Variants in AGRN observed in about 807,000 individuals in gnomAD.
AGRN encodes the protein agrin proteoglycan.
A neutral mutation model predicts 211.0 loss-of-function variants in AGRN; 106 were observed. The ratio of observed to expected loss-of-function variants is 0.50; its 90% CI spans 0.43 to 0.59. AGRN has a LOEUF of 0.59. Among genes scored for constraint, AGRN ranks in the 20% least tolerant of loss-of-function variants. The pLI is 0.00. For synonymous variants in AGRN, 1,525 were observed against 1,332.5 expected, an observed-to-expected ratio of 1.14 and a Z score of -3.15; for missense variants, 3,040 against 2,982.6, an observed-to-expected ratio of 1.02 and a Z score of -0.45.
intron 2 of AGRN, among the ~76,000 whole-genome samples, chr1:1,023,812 C>T (rs1027090908): frequency 6.6e-5 from 10 of 152,142 alleles, no homozygotes; most frequent in African/African-American, 1.4e-4. Context: ...GGCTCTGGAG[C>T]GAGTGCCCAG....
chr1:1,046,910 C>A lies in AGRN; in HGVS notation c.3341C>A (p.Ser1114Tyr). The A allele has an allele frequency of 6.3e-7, 1 of 1,582,408 alleles. No homozygotes were observed. Among genetic ancestry groups the A allele is most frequent in the East Asian group, 2.3e-5 (1 of 43,610 alleles). ...TACAACTCCGCGTTGGGCTGCTGCT[C>A]TGATGGGAAGACGCCCTCGCTGGAC... ...SCYNSALGCC[S>Y]DGKTPSLDAE... Residue 1114 changes from serine (S) to tyrosine (Y), a missense_variant, in exon 19 of 36, where the codon TCT becomes TAT. By Grantham distance (144) the Ser-to-Tyr change is moderately radical. This residue lies in a region of AGRN where 1,537 missense variants were observed against 1,505.0 expected (regional missense o/e 1.02). Transcript: ENST00000379370.
chr1:1,034,187 C>G (rs979661576), intron 2 of AGRN: 6 of 985,432 alleles, frequency 6.1e-6, no homozygotes, highest in Non-Finnish European at 7.2e-6. Flanking sequence ...GCACCTGCCG[C>G]GCGCACCGCC....
chr1:1,052,508 T>C (rs1378640170), intron 33 of AGRN: 2 of 216,910 alleles, frequency 9.2e-6, no homozygotes, highest in Non-Finnish European at 1.8e-5. Context: ...CATGCAGGTA[T>C]GTGTCCGTGT....
At chr1:1,030,406 C>CTG (rs1408775931) in intron 2 of AGRN, among the ~76,000 whole-genome samples, 1 of 53,086 alleles carries the variant, frequency 1.9e-5, no homozygotes, top group Non-Finnish European at 3.6e-5. Flanking sequence ...GTGCATGGTG[C>CTG]TGTGAGATCA....
rs779240198 is a variant in AGRN at position 1,047,914 on chromosome 1, G to A, written c.3751+19G>A. ...GACTTTGGTGAGCGCCAGGCCACGA[G>A]CCACAGCTTACCTGCCCCCTCCTCT... On this transcript the variant is annotated intron_variant, in intron 22 of 35. Transcript: ENST00000379370. 1.4e-5 allele frequency: 22 copies of A among 1,603,930 alleles called. No individual in the cohort carries two copies. In the East Asian group the frequency reaches 2.5e-4, roughly 18 times the overall value.
rs761669139 is a variant in AGRN, at chr1:1,050,249, C to T, written c.4896C>T (p.Gly1632=). ...TFCQTASGQD[G]SGPFLADFNG... ...TCCCTACAGCCTCGGGGCAGGACGGCTCTGGGCCCTTCCTGGCTGACTTCA... is the reference window on the plus strand; with the variant it reads ...TCCCTACAGCCTCGGGGCAGGACGGTTCTGGGCCCTTCCTGGCTGACTTCA... The change falls in exon 28 of 36, where the codon GGC becomes GGT. Residue 1632 remains glycine (G), a synonymous_variant. Transcript: ENST00000379370. The T allele has an allele frequency of 3.7e-6, 6 of 1,613,140 alleles. No homozygotes were observed. Among genetic ancestry groups the T allele is most frequent in the South Asian group, 2.2e-5 (2 of 91,084 alleles).
In AGRN at chr1:1,050,792, T is replaced by A. The variant is rs975671457; in HGVS notation, c.5208T>A (p.Gly1736=). 1 of 1,599,876 alleles carries A rather than the reference T, an allele frequency of 6.3e-7. No homozygotes were observed. Among genetic ancestry groups the A allele is most frequent in the South Asian group, 1.1e-5 (1 of 89,722 alleles). ...CACTGGAGCGAAACGGCCGCAAGGG[T>A]GCCCTGCGTGTGGGCGACGGCCCCC... is the stretch of plus-strand genomic sequence containing the variant. ...RVSLERNGRK[G]ALRVGDGPRV... Residue 1736 remains glycine, a synonymous_variant, in exon 30 of 36, where the codon GGT becomes GGA. Transcript: ENST00000379370.
At chr1:1,027,154 G>A (rs1238914636) in intron 2 of AGRN, among the ~76,000 whole-genome samples, 3 of 152,262 alleles carry the variant, frequency 2.0e-5, no homozygotes, top group Non-Finnish European at 4.4e-5. Flanking sequence ...GTCCCCCCAC[G>A]GAGCAGAGGC....
intron 2 of AGRN, among the ~76,000 whole-genome samples, chr1:1,022,938 G>A (rs1415214490): frequency 6.6e-6 from 1 of 152,264 alleles, no homozygotes; most frequent in African/African-American, 2.4e-5. Flanking sequence ...ATTTGCCATC[G>A]TGAGGTCTTG....
Position 1,048,939 on chromosome 1 carries a change from CGCT to C in AGRN, c.4181_4183del (p.Leu1394del). On this transcript the variant is annotated inframe_deletion, in exon 24 of 36. Coordinates refer to ENST00000379370, the MANE Select transcript of AGRN (RefSeq NM_198576.4). The surrounding 1 kb of genome is among the most constrained non-coding windows in gnomAD (Gnocchi z 5.9). Reference sequence around the variant, plus strand: ...TTCCCCACTCTCCGCGCCTACCACACGCTGCGCCTGGCACTGGAATTCCGGGCG... The same window carrying C: ...TTCCCCACTCTCCGCGCCTACCACACGCGCCTGGCACTGGAATTCCGGGCG... 2 of 1,565,670 alleles carry C rather than the reference CGCT, an allele frequency of 1.3e-6. No individual in the cohort carries two copies. The highest frequency in any genetic ancestry group is 8.6e-7 in the Non-Finnish European group (1 of 1,156,626).
chr1:1,053,464 C>T (rs778876572), intron 33 of AGRN: 17 of 1,477,044 alleles, frequency 1.2e-5, no homozygotes, highest in South Asian at 3.6e-5. Flanking sequence ...TTCTAAGCCC[C>T]GAAACTCTGG....
intron 3 of AGRN, among the ~76,000 whole-genome samples, chr1:1,036,675 C>G (rs1644811693): frequency 6.6e-6 from 1 of 152,170 alleles, no homozygotes; most frequent in African/African-American, 2.4e-5. Context: ...TGCAACCTGT[C>G]TGTTGGCCCC....
intron 7 of AGRN, 61 bp downstream of exon 7, chr1:1,042,223 G>A: frequency 6.6e-7 from 1 of 1,516,828 alleles, no homozygotes; most frequent in Non-Finnish European, 8.9e-7. Flanking sequence ...TCCCTGCCTG[G>A]ACATCACATG....
rs752436249 is a variant in AGRN at position 1,050,743 on chromosome 1, C to T, written c.5159C>T (p.Thr1720Ile). 2.5e-6 allele frequency: 4 copies of T among 1,603,362 alleles called. No individual in the cohort carries two copies. The highest frequency in any genetic ancestry group is 1.1e-5 in the South Asian group (1 of 90,134). ...AAVIRSREPV[T>I]LGAWTRVSLE... ...CTCACCAGGAGCAGGGAGCCAGTCA[C>T]CCTGGGAGCCTGGACCAGGGTCTCA... The change falls in exon 30 of 36, where the codon ACC becomes ATC. Residue 1720 changes from threonine (T) to isoleucine (I), a missense_variant. By Grantham distance (89) the Thr-to-Ile change is moderately conservative (BLOSUM62 -1). This residue lies in a region of AGRN where 1,537 missense variants were observed against 1,505.0 expected (regional missense o/e 1.02). Coordinates refer to ENST00000379370, the MANE Select transcript of AGRN (RefSeq NM_198576.4).
chr1:1,037,328 C>T (rs539435769), intron 3 of AGRN, among the ~76,000 whole-genome samples: 2 of 152,298 alleles, frequency 1.3e-5, no homozygotes, highest in African/African-American at 4.8e-5. Context: ...TCTTTACACA[C>T]TGCCCCCTTC....
chr1:1,051,780 G>A lies in AGRN; in HGVS notation c.5616G>A (p.Arg1872=), dbSNP rs750838233. The change falls in exon 33 of 36, where the codon CGG becomes CGA. Residue 1872 remains arginine, a synonymous_variant. Coordinates refer to ENST00000379370, the MANE Select transcript of AGRN (RefSeq NM_198576.4). ...GDVDTLAFDG[R]TFVEYLNAVT... is the part of the protein sequence containing the mutation. ...TGGATACCTTGGCCTTTGACGGGCG[G>A]ACCTTTGTCGAGTACCTCAACGCTG... 3.5e-5 allele frequency: 57 copies of A among 1,613,724 alleles called. 1 individual carries two copies. The South Asian group carries it at 5.6e-4, about 16-fold the overall frequency.
intron 2 of AGRN, among the ~76,000 whole-genome samples, chr1:1,028,266 C>T (rs1644562531): frequency 6.6e-6 from 1 of 151,228 alleles, no homozygotes. Context: ...AAGCTGATTC[C>T]TGCCTCGGAG....
At chr1:1,023,589 C>T (rs1000457624) in intron 2 of AGRN, among the ~76,000 whole-genome samples, 3 of 152,022 alleles carry the variant, frequency 2.0e-5, no homozygotes, top group African/African-American at 7.3e-5. Flanking sequence ...TGAGGAGGGG[C>T]TGGAGAAGGG....
Position 1,046,728 on chromosome 1 carries a change from C to T in AGRN, c.3243C>T (p.Gly1081=), listed in dbSNP as rs746454531. The change falls in exon 18 of 36, where the codon GGC becomes GGT. Residue 1081 remains glycine (G), a synonymous_variant. Coordinates refer to ENST00000379370, the MANE Select transcript of AGRN (RefSeq NM_198576.4). ...GGGACCAGGAGGCCAGTGGGGGTGG[C>T]TCTGGGGGTGAGCAGGGATCAAGGA... ...LSGDQEASGG[G]SGGLEPLEGS... 2.5e-6 allele frequency: 4 copies of T among 1,580,958 alleles called. No homozygotes were observed. Among genetic ancestry groups the T allele is most frequent in the African/African-American group, 1.3e-5 (1 of 74,638 alleles).
Sources: gnomAD v4.1 joint callset for allele counts (sites outside exome capture counted in the v4.1 genomes callset) on GRCh38, gnomAD v4.1.1 for gene constraint, gnomAD v4.1.1 regional missense constraint, Gnocchi (gnomAD v3.1) non-coding constraint, MANE v1.5 for transcripts, NCBI Gene and HGNC (gene_info 2026-07-23, HGNC 2026-07-21) for gene names.